Variants in ROR1 observed in about 807,000 individuals in gnomAD.
The protein encoded by ROR1 is inactive tyrosine-protein kinase transmembrane receptor ROR1.
Under a neutral mutation model 78.8 loss-of-function variants are expected in ROR1, and 19 were observed. The ratio of observed to expected loss-of-function variants is 0.24; its 90% CI spans 0.17 to 0.35. ROR1 has a LOEUF of 0.35. Among genes scored for constraint, ROR1 ranks in the 10% least tolerant of loss-of-function variants. ROR1 has a pLI of 1.00. For synonymous variants in ROR1, 386 were observed against 433.6 expected (o/e 0.89, Z 1.36); for missense variants, 917 against 1,177.8 (o/e 0.78, Z 3.24).
At chr1:64,009,579 T>G (rs563766624) in intron 2 of ROR1, among the ~76,000 whole-genome samples, 2 of 151,748 alleles carry the variant, frequency 1.3e-5, no homozygotes, top group Non-Finnish European at 2.9e-5. Flanking sequence ...TTTCCCCCCC[T>G]CGTTCCTTTT....
chr1:64,125,540 G>T (rs531286465), intron 4 of ROR1, among the ~76,000 whole-genome samples: 2 of 152,238 alleles, frequency 1.3e-5, no homozygotes, highest in African/African-American at 4.8e-5. Flanking sequence ...ATACGATTCC[G>T]TACTACGAGC....
At chr1:63,965,842 C>T (rs1325719697) in intron 1 of ROR1, among the ~76,000 whole-genome samples, 6 of 152,150 alleles carry the variant, frequency 3.9e-5, no homozygotes, top group East Asian at 3.8e-4. Context: ...ACTAAATAAA[C>T]GTCATGGGAG....
intron 4 of ROR1, among the ~76,000 whole-genome samples, chr1:64,079,434 T>C (rs1283727850): frequency 6.6e-6 from 1 of 152,058 alleles, no homozygotes; most frequent in African/African-American, 2.4e-5. Flanking sequence ...TTCTTGCAGG[T>C]TGTCCCACTG....
Position 63,785,672 on chromosome 1 carries a change from C to A in ROR1, c.91+11164C>A, listed in dbSNP as rs374426344. ...TCCCGAGCAGCTTGGATTACAGGCG[C>A]CTGCCACCACGCCCGGCTAATTTTT... On this transcript the variant is annotated intron_variant, in intron 1 of 8. Coordinates refer to ENST00000371079, the MANE Select transcript of ROR1 (RefSeq NM_005012.4). Among the ~76,000 whole-genome samples, 33 of 151,862 alleles carry A rather than the reference C, an allele frequency of 2.2e-4. 2 individuals are homozygous for A. Among genetic ancestry groups the A allele is most frequent in the Admixed American group, 1.7e-3 (26 of 15,254 alleles).
At chr1:64,025,494 A>G (rs1003212784) in intron 2 of ROR1, among the ~76,000 whole-genome samples, 3 of 152,206 alleles carry the variant, frequency 2.0e-5, no homozygotes, top group African/African-American at 7.2e-5. Context: ...ACTTACACAC[A>G]CATATTTATA....
intron 4 of ROR1, among the ~76,000 whole-genome samples, chr1:64,090,625 T>G (rs1647188120): frequency 6.6e-6 from 1 of 152,198 alleles, no homozygotes; most frequent in African/African-American, 2.4e-5. Flanking sequence ...TGTTACAGAC[T>G]AGAATCTGGA....
At chr1:63,960,626 C>T (rs1009188712) in intron 1 of ROR1, among the ~76,000 whole-genome samples, 17 of 152,092 alleles carry the variant, frequency 1.1e-4, no homozygotes, top group African/African-American at 4.1e-4. Context: ...TGTGTCATGC[C>T]GGACTTTGCT....
chr1:64,116,829 C>A (rs984344996), intron 4 of ROR1, among the ~76,000 whole-genome samples: 2 of 152,132 alleles, frequency 1.3e-5, no homozygotes, highest in Admixed American at 1.3e-4. Context: ...TCCCTGACCA[C>A]CCCAGCCTAC....
At chr1:64,043,325 A>G (rs1211478181) in intron 2 of ROR1, among the ~76,000 whole-genome samples, 1 of 152,254 alleles carries the variant, frequency 6.6e-6, no homozygotes, top group Non-Finnish European at 1.5e-5. Context: ...CATTTACTTC[A>G]TCAACCAGCG....
At position 64,179,067 on chromosome 1, in the gene ROR1, G is replaced by T; in HGVS notation, c.*212G>T. ...AAAAACAAGCAAACAAAAACATTGT[G>T]GGATGTGCACTCCATTGGAGTGCAT... On this transcript the variant is annotated 3_prime_UTR_variant, in exon 9 of 9. Transcript: ENST00000371079. The T allele has an allele frequency of 1.9e-6, 1 of 521,932 alleles. No homozygotes were observed. The allele number at this position is 521,932 out of a possible 1,614,324, so 32.3% of individuals were successfully genotyped here. A position where few individuals can be genotyped will look rare whatever the true frequency, so the allele number is the denominator to read the frequency against.
intron 1 of ROR1, among the ~76,000 whole-genome samples, chr1:63,897,042 A>G (rs1022972091): frequency 6.6e-6 from 1 of 152,220 alleles, no homozygotes; most frequent in Non-Finnish European, 1.5e-5. Context: ...TGTTATTAAC[A>G]GTATTTTCTG....
intron 4 of ROR1, among the ~76,000 whole-genome samples, chr1:64,101,498 G>C (rs1260034036): frequency 2.6e-5 from 4 of 152,186 alleles, no homozygotes; most frequent in South Asian, 4.1e-4. Context: ...TCCTGACGAA[G>C]AAGGGCCCTG....
In ROR1 at chr1:63,822,727, G is replaced by T. The variant is rs935071810; in HGVS notation, c.91+48219G>T. Among the ~76,000 whole-genome samples, 13 of 152,250 alleles carry T rather than the reference G, an allele frequency of 8.5e-5. No homozygotes were observed. The East Asian group carries it at 2.5e-3, about 29-fold the overall frequency. Reference sequence around the variant, plus strand: ...TTTTAATCACACAATTTAGCATTGTGTGTGATTGCATCATAGTTTTCTTAA... The same window carrying T: ...TTTTAATCACACAATTTAGCATTGTTTGTGATTGCATCATAGTTTTCTTAA... On this transcript the variant is annotated intron_variant, in intron 1 of 8. Coordinates refer to ENST00000371079, the MANE Select transcript of ROR1 (RefSeq NM_005012.4).
chr1:63,786,190 T>C (rs1644684305), intron 1 of ROR1, among the ~76,000 whole-genome samples: 1 of 137,732 alleles, frequency 7.3e-6, no homozygotes, highest in Admixed American at 7.7e-5. Flanking sequence ...TTAGTCTTCC[T>C]CCCCAGAAAG....
intron 4 of ROR1, among the ~76,000 whole-genome samples, chr1:64,084,998 A>G (rs1647139767): frequency 6.6e-6 from 1 of 152,190 alleles, no homozygotes; most frequent in African/African-American, 2.4e-5. Context: ...TTCTCATAGC[A>G]TACTAGTAAT....
chr1:63,994,008 G>A (rs1646316836), intron 1 of ROR1, among the ~76,000 whole-genome samples: 1 of 152,266 alleles, frequency 6.6e-6, no homozygotes, highest in African/African-American at 2.4e-5. Flanking sequence ...ATCCCTTTCA[G>A]TATAGTGAGT....
intron 6 of ROR1, among the ~76,000 whole-genome samples, chr1:64,141,242 G>A (rs1276787166): frequency 6.6e-6 from 1 of 152,158 alleles, no homozygotes; most frequent in African/African-American, 2.4e-5. Context: ...CAGGGTAATT[G>A]ATAAAAAAAG....
chr1:63,873,218 GAT>G (rs1447259686), intron 1 of ROR1, among the ~76,000 whole-genome samples: 2 of 152,132 alleles, frequency 1.3e-5, no homozygotes, highest in African/African-American at 4.8e-5. Flanking sequence ...ACCTTCCACT[GAT>G]ATGTTTGCTC....
intron 1 of ROR1, among the ~76,000 whole-genome samples, chr1:63,886,829 G>A (rs1645360526): frequency 6.6e-6 from 1 of 152,196 alleles, no homozygotes; most frequent in Non-Finnish European, 1.5e-5. Flanking sequence ...AGAACCGTCA[G>A]CTCACCCTGA....
Sources: gnomAD v4.1 joint callset for allele counts (sites outside exome capture counted in the v4.1 genomes callset) on GRCh38, gnomAD v4.1.1 for gene constraint, MANE v1.5 for transcripts, NCBI Gene and HGNC (gene_info 2026-07-23, HGNC 2026-07-21) for gene names.